The following CRISPLD1 variants were observed in gnomAD, a reference collection of about 807,000 sequenced individuals.
CRISPLD1 encodes the protein cysteine-rich secretory protein LCCL domain-containing 1.
A neutral mutation model predicts 77.5 loss-of-function variants in CRISPLD1; 60 were observed. The observed-to-expected ratio is 0.77, with a 90% CI of 0.63 to 0.96. CRISPLD1 has a LOEUF of 0.96. CRISPLD1 is among the 40% of genes least tolerant of loss of function. CRISPLD1 has a pLI of 0.00. For synonymous variants in CRISPLD1, 195 were observed against 200.1 expected, an observed-to-expected ratio of 0.97 and a Z score of 0.22; for missense variants, 623 against 615.8, an observed-to-expected ratio of 1.01 and a Z score of -0.12.
rs76991517 is a variant in CRISPLD1, at chr8:75,014,001, T to C, written c.525T>C (p.Thr175=). ...TTCTAACATAGGTCGTGTGGGCAAC[T>C]AGTAACAGAATCGGTTGTGCCATTA... The part of the protein sequence containing the change: ...CTHYTQVVWA[T]SNRIGCAINL... The change falls in exon 5 of 15, where the codon ACT becomes ACC. Residue 175 remains threonine (T), a synonymous_variant. Transcript: ENST00000262207. 1.2e-3 allele frequency: 1,965 copies of C among 1,612,558 alleles called. 28 individuals are homozygous for C. The African/African-American group carries it at 0.023, about 19-fold the overall frequency.
At chr8:75,026,192 C>T (rs1029342465) in intron 13 of CRISPLD1, among the ~76,000 whole-genome samples, 1 of 152,140 alleles carries the variant, frequency 6.6e-6, no homozygotes, top group African/African-American at 2.4e-5. Flanking sequence ...AAGTGATCCT[C>T]CTGCCTCAGC....
At chr8:75,001,335 A>G (rs1563394157) in intron 2 of CRISPLD1, among the ~76,000 whole-genome samples, 1 of 152,170 alleles carries the variant, frequency 6.6e-6, no homozygotes, top group South Asian at 2.1e-4. Context: ...TCTGAGTTGC[A>G]CTGGGTTACT....
At chr8:74,998,410 C>T (rs768866947) in intron 2 of CRISPLD1, among the ~76,000 whole-genome samples, 6 of 152,038 alleles carry the variant, frequency 3.9e-5, no homozygotes, top group Non-Finnish European at 5.9e-5. Context: ...TTTAGTCCAG[C>T]GCCGTGGCTC....
intron 2 of CRISPLD1, among the ~76,000 whole-genome samples, chr8:75,009,906 A>T (rs767492904): frequency 1.3e-5 from 2 of 152,094 alleles, no homozygotes; most frequent in Non-Finnish European, 2.9e-5. Context: ...TATAATTATA[A>T]AATTAGGTCA....
At chr8:75,010,506 C>A (rs1234188604) in intron 2 of CRISPLD1, among the ~76,000 whole-genome samples, 1 of 152,062 alleles carries the variant, frequency 6.6e-6, no homozygotes, top group Non-Finnish European at 1.5e-5. Context: ...TTCTGTACTT[C>A]TTTCTTTCTC....
chr8:75,029,482 C>T lies in CRISPLD1; in HGVS notation c.1416C>T (p.Tyr472=), dbSNP rs1307178865. The T allele has an allele frequency of 6.2e-7, 1 of 1,613,650 alleles. No homozygotes were observed. Among genetic ancestry groups the T allele is most frequent in the Non-Finnish European group, 8.5e-7 (1 of 1,179,676 alleles). ...TGCCTGTGGACAAAAGAAAGACCTA[C>T]ATTGCTTCTTTTCAGAATGGAATCT... ...DVMPVDKRKT[Y]IASFQNGIFS... The change falls in exon 14 of 15, where the codon TAC becomes TAT. Residue 472 remains tyrosine, a synonymous_variant. Transcript: ENST00000262207.
chr8:75,003,933 A>G (rs72622857), intron 2 of CRISPLD1, among the ~76,000 whole-genome samples: 18,795 of 152,194 alleles, frequency 0.12, 1,707 homozygotes, highest in African/African-American at 0.25. Flanking sequence ...TGATATATTT[A>G]TATATTGATA....
intron 13 of CRISPLD1, among the ~76,000 whole-genome samples, chr8:75,028,058 G>GAAAATGCTGATT (rs1813263825): frequency 6.6e-6 from 1 of 152,106 alleles, no homozygotes; most frequent in South Asian, 2.1e-4. Flanking sequence ...GTTGCCTTGG[G>GAAAATGCTGATT]AAAAATGCTG....
chr8:74,999,565 C>T (rs1377159044), intron 2 of CRISPLD1, among the ~76,000 whole-genome samples: 1 of 152,052 alleles, frequency 6.6e-6, no homozygotes, highest in African/African-American at 2.4e-5. Context: ...AACAAGACCC[C>T]AGGTGATGTG....
rs530299534 is a variant in CRISPLD1 at position 75,033,261 on chromosome 8, T to C, written c.*1019T>C. On this transcript the variant is annotated 3_prime_UTR_variant, in exon 15 of 15. Transcript: ENST00000262207. The stretch of plus-strand genomic sequence containing the variant: ...TGGTGGATTTACATATTAAATTTTT[T>C]CTGCTGGTGGATAAACATTAAAATT... The C allele has an allele frequency of 6.6e-6, 1 of 152,562 alleles. No homozygotes were observed. Among genetic ancestry groups the C allele is most frequent in the East Asian group, 1.9e-4 (1 of 5,186 alleles). 9.5% of individuals were successfully genotyped at this position (152,562 alleles called of 1,614,324 possible). A position where few individuals can be genotyped will look rare whatever the true frequency, so the allele number is the denominator to read the frequency against.
chr8:74,990,733 A>G (rs529971939), intron 2 of CRISPLD1, among the ~76,000 whole-genome samples: 14 of 151,944 alleles, frequency 9.2e-5, no homozygotes, highest in Admixed American at 7.2e-4. Flanking sequence ...TTGTTGATTA[A>G]TATCACTAAC....
chr8:75,017,354 G>T lies in CRISPLD1; in HGVS notation c.1031G>T (p.Gly344Val). The T allele has an allele frequency of 1.9e-6, 3 of 1,610,996 alleles. No individual in the cohort carries two copies. The highest frequency in any genetic ancestry group is 2.5e-6 in the Non-Finnish European group (3 of 1,178,802). Residue 344 changes from glycine to valine, a missense_variant, in exon 10 of 15, where the codon GGT (glycine) becomes GTT (valine). Coordinates refer to ENST00000262207, the MANE Select transcript of CRISPLD1 (RefSeq NM_031461.6). ...ATCTGTAGAGCTGCAATTCATTATG[G>T]TATAATAGACAATGATGGTGGCTGG... is the stretch of plus-strand genomic sequence containing the variant. ...SSICRAAIHY[G>V]IIDNDGGWVD...
intron 12 of CRISPLD1, among the ~76,000 whole-genome samples, chr8:75,023,748 G>A (rs940608434): frequency 3.3e-5 from 5 of 151,646 alleles, no homozygotes; most frequent in African/African-American, 1.2e-4. Context: ...TTAAAATTGT[G>A]TGTTTTCCAG....
intron 2 of CRISPLD1, among the ~76,000 whole-genome samples, chr8:75,010,634 A>G (rs1158412352): frequency 1.3e-5 from 2 of 151,974 alleles, no homozygotes; most frequent in South Asian, 2.1e-4. Context: ...CTTGTTACCC[A>G]TTCTCTACTC....
intron 2 of CRISPLD1, among the ~76,000 whole-genome samples, chr8:75,004,876 G>A (rs1812802576): frequency 6.7e-6 from 1 of 150,086 alleles, no homozygotes; most frequent in Non-Finnish European, 1.5e-5. Context: ...TTATTTAAAT[G>A]TTTTACCATC....
Position 74,985,997 on chromosome 8 carries a change from A to AC in CRISPLD1, c.12dup (p.Ala5ArgfsTer15). 1 of 1,612,468 alleles carries AC rather than the reference A, an allele frequency of 6.2e-7. No homozygotes were observed. Among genetic ancestry groups the AC allele is most frequent in the East Asian group, 2.2e-5 (1 of 44,836 alleles). ...CCTGAGGTCATTCATTATGAAGTGT[A>AC]CCGCGCGGGAGTGGCTCAGAGTAAC... On this transcript the variant is annotated frameshift_variant, in exon 2 of 15. Coordinates refer to ENST00000262207, the MANE Select transcript of CRISPLD1 (RefSeq NM_031461.6). LOFTEE classifies it high-confidence loss of function.
chr8:74,998,685 CA>C (rs368258595), intron 2 of CRISPLD1, among the ~76,000 whole-genome samples: 223 of 50,944 alleles, frequency 4.4e-3, no homozygotes, highest in African/African-American at 7.0e-3. Context: ...GACTCCATCT[CA>C]AAAAAAAAAA....
At chr8:74,996,274 G>A (rs569568456) in intron 2 of CRISPLD1, among the ~76,000 whole-genome samples, 3 of 151,986 alleles carry the variant, frequency 2.0e-5, no homozygotes, top group South Asian at 2.1e-4. Context: ...TTTAAAAGCT[G>A]CTTGTAAGGC....
At chr8:75,010,041 T>C (rs1812901531) in intron 2 of CRISPLD1, among the ~76,000 whole-genome samples, 1 of 152,146 alleles carries the variant, frequency 6.6e-6, no homozygotes, top group South Asian at 2.1e-4. Flanking sequence ...TCTTGAATAT[T>C]TGACACTAAT....
Sources: allele counts gnomAD v4.1 joint callset (sites outside exome capture counted in the v4.1 genomes callset), GRCh38; gene constraint gnomAD v4.1.1; transcripts MANE v1.5; gene names NCBI Gene and HGNC (gene_info 2026-07-23, HGNC 2026-07-21).